SUCLA2: variants seen among roughly 807,000 people sequenced by gnomAD.
SUCLA2 encodes succinate--CoA ligase [ADP-forming] subunit beta, mitochondrial.
In SUCLA2, 30 loss-of-function variants were observed where a neutral mutation model predicts 54.8. The observed-to-expected ratio is 0.55, with a 90% CI of 0.41 to 0.74. The LOEUF (loss-of-function observed/expected upper bound fraction) is 0.74. SUCLA2 is among the 30% of genes least tolerant of loss of function. The pLI, the probability that SUCLA2 is intolerant of heterozygous loss-of-function variation, is 0.00. For missense variants in SUCLA2, 476 were observed against 562.9 expected, an observed-to-expected ratio of 0.85 and a Z score of 1.56; for synonymous variants, 172 against 188.9, an observed-to-expected ratio of 0.91 and a Z score of 0.74.
chr13:47,990,633 A>G (rs1950142707), intron 2 of SUCLA2, among the ~76,000 whole-genome samples: 1 of 152,118 alleles, frequency 6.6e-6, no homozygotes, highest in Admixed American at 6.6e-5. Flanking sequence ...CACTGTATTC[A>G]TTATATCCCA....
intron 6 of SUCLA2, among the ~76,000 whole-genome samples, chr13:47,955,064 T>C (rs1012645669): frequency 6.6e-6 from 1 of 151,972 alleles, no homozygotes; most frequent in Admixed American, 6.6e-5. Context: ...AACTCCTATC[T>C]CCCCCTTACT....
chr13:47,956,619 G>GTA (rs1207380146), intron 6 of SUCLA2, among the ~76,000 whole-genome samples: 5 of 152,202 alleles, frequency 3.3e-5, no homozygotes, highest in Non-Finnish European at 7.3e-5. Flanking sequence ...AAGTTCTTCA[G>GTA]GCTCAAGGGA....
rs532730136 is a variant in SUCLA2 at position 47,988,993 on chromosome 13, A to G, written c.272-12T>C. 1 of 1,609,784 alleles carries G rather than the reference A, an allele frequency of 6.2e-7. No individual in the cohort carries two copies. Among genetic ancestry groups the G allele is most frequent in the South Asian group, 1.1e-5 (1 of 90,990 alleles). ...GACATCTTTTGAACCTAGAAGAAAAACACTTCTATTAAATATGAAGCATGG... is the reference window on the plus strand; with the variant it reads ...GACATCTTTTGAACCTAGAAGAAAAGCACTTCTATTAAATATGAAGCATGG... On this transcript the variant is annotated splice_polypyrimidine_tract_variant and intron_variant, in intron 2 of 10. Transcript: ENST00000646932.
intron 1 of SUCLA2, 36 bp from the exon 2 acceptor site, chr13:47,997,059 G>A (rs1325861318): frequency 6.2e-7 from 1 of 1,611,104 alleles, no homozygotes; most frequent in Non-Finnish European, 8.5e-7. Flanking sequence ...ATATGACAGT[G>A]ATTTGGCAGT....
chr13:47,988,153 G>A, intron 4 of SUCLA2: 2 of 205,732 alleles, frequency 9.7e-6, no homozygotes, highest in Non-Finnish European at 1.9e-5. Context: ...GAAAACAGAA[G>A]ATGAGGCAAT....
rs540084814 is a variant in SUCLA2, at chr13:47,998,174, G to T, written c.91-1151C>A. 9.2e-5 allele frequency among the ~76,000 whole-genome samples: 14 copies of T among 152,138 alleles called. No homozygotes were observed. In the South Asian group the frequency reaches 2.9e-3, roughly 32 times the overall value. ...CACCTATAATCCCAGCTACTCCTGAGACTGAGGCAGGAGGATCCCTTCAGC... is the reference window on the plus strand; with the variant it reads ...CACCTATAATCCCAGCTACTCCTGATACTGAGGCAGGAGGATCCCTTCAGC... On this transcript the variant is annotated intron_variant, in intron 1 of 10. Coordinates refer to ENST00000646932, the MANE Select transcript of SUCLA2 (RefSeq NM_003850.3).
chr13:47,976,514 T>A (rs1950014994), intron 4 of SUCLA2, among the ~76,000 whole-genome samples: 1 of 152,132 alleles, frequency 6.6e-6, no homozygotes, highest in Admixed American at 6.5e-5. Flanking sequence ...ATATGGGTGC[T>A]GATGGGGAAC....
chr13:47,971,664 G>A (rs897661269), intron 5 of SUCLA2: 7 of 374,544 alleles, frequency 1.9e-5, no homozygotes, highest in Non-Finnish European at 2.8e-5. Flanking sequence ...AGAATTGAAA[G>A]AAGGACCACA....
At chr13:47,945,089 A>C (rs1949718827) in intron 10 of SUCLA2, among the ~76,000 whole-genome samples, 1 of 151,742 alleles carries the variant, frequency 6.6e-6, no homozygotes, top group Admixed American at 6.6e-5. Flanking sequence ...ATCTCTACTA[A>C]AAATACATAA....
chr13:47,979,698 G>A (rs1198348233), intron 4 of SUCLA2, among the ~76,000 whole-genome samples: 2 of 152,124 alleles, frequency 1.3e-5, no homozygotes, highest in African/African-American at 2.4e-5. Flanking sequence ...GAAGCTGAAA[G>A]CTTTTCCTCT....
chr13:47,965,494 T>TTAAAAAAAAAA (rs751887684), intron 6 of SUCLA2: 3 of 311,160 alleles, frequency 9.6e-6, no homozygotes, highest in Non-Finnish European at 1.1e-5. Flanking sequence ...ACCCCTTCTT[T>TTAAAAAAAAAA]AAAAAAAAAA....
chr13:47,999,784 G>A (rs1950216246), intron 1 of SUCLA2, among the ~76,000 whole-genome samples: 1 of 151,856 alleles, frequency 6.6e-6, no homozygotes, highest in East Asian at 1.9e-4. Flanking sequence ...TTAAGACTCC[G>A]TACTTCTATG....
intron 6 of SUCLA2, among the ~76,000 whole-genome samples, chr13:47,968,137 A>C (rs1329751947): frequency 6.6e-6 from 1 of 152,208 alleles, no homozygotes; most frequent in Non-Finnish European, 1.5e-5. Context: ...ACCACACTGC[A>C]TACACTAACC....
chr13:47,992,379 C>A (rs1400825337), intron 2 of SUCLA2, among the ~76,000 whole-genome samples: 10 of 69,972 alleles, frequency 1.4e-4, no homozygotes, highest in Admixed American at 2.0e-4. Context: ...AAGCCCTTCA[C>A]AACGAAAGCA....
Position 47,996,929 on chromosome 13 carries a change from T to C in SUCLA2, c.185A>G (p.Glu62Gly). 2.5e-6 allele frequency: 4 copies of C among 1,614,086 alleles called. No homozygotes were observed. The highest frequency in any genetic ancestry group is 3.4e-6 in the Non-Finnish European group (4 of 1,179,984). ...GGAGACACCAGCTTCTTGCAATAAT[T>C]CCATACTCATGTATTCATGTAGTGA... is the stretch of plus-strand genomic sequence containing the variant. ...NLSLHEYMSM[E>G]LLQEAGVSVP... is the part of the protein sequence containing the mutation. The change falls in exon 2 of 11, where the codon GAA becomes GGA. Residue 62 changes from glutamate to glycine, a missense_variant. By Grantham distance (98) the Glu-to-Gly change is moderately conservative (BLOSUM62 -2). Around this residue, in one of 2 missense-constraint regions of SUCLA2, gnomAD observed 134 missense variants for 118.7 expected, o/e 1.13. Transcript: ENST00000646932.
intron 2 of SUCLA2, among the ~76,000 whole-genome samples, chr13:47,993,904 C>G (rs1179623564): frequency 2.0e-5 from 3 of 151,892 alleles, no homozygotes; most frequent in Admixed American, 2.0e-4. Flanking sequence ...GGTGGTGGCA[C>G]ATGCCTGTAA....
chr13:47,950,375 T>C (rs983897998), intron 8 of SUCLA2, among the ~76,000 whole-genome samples: 4 of 152,220 alleles, frequency 2.6e-5, no homozygotes, highest in Non-Finnish European at 5.9e-5. Flanking sequence ...ATTTAGTTTC[T>C]TTCTGAGAAC....
intron 6 of SUCLA2, among the ~76,000 whole-genome samples, chr13:47,958,636 G>T (rs1949841029): frequency 6.6e-6 from 1 of 152,124 alleles, no homozygotes; most frequent in African/African-American, 2.4e-5. Flanking sequence ...TGGCATAGAA[G>T]GTTATAAAAC....
Position 47,950,310 on chromosome 13 carries a change from TCCA to T in SUCLA2, c.1108-710_1108-708del, listed in dbSNP as rs562186367. Among the ~76,000 whole-genome samples the T allele has an allele frequency of 5.6e-3, 851 of 152,250 alleles. 5 individuals are homozygous for T. Among genetic ancestry groups the T allele is most frequent in the African/African-American group, 0.019 (783 of 41,534 alleles). ...AATTTCTGGAGGGCTAGTGTGGGGA[TCCA>T]CCATCTCGCAGCCACCCAAGCCATA... On this transcript the variant is annotated intron_variant, in intron 8 of 10. Coordinates refer to ENST00000646932, the MANE Select transcript of SUCLA2 (RefSeq NM_003850.3).
Sources: gnomAD v4.1 joint callset for allele counts (sites outside exome capture counted in the v4.1 genomes callset) on GRCh38, gnomAD v4.1.1 for gene constraint, gnomAD v4.1.1 regional missense constraint, MANE v1.5 for transcripts, NCBI Gene and HGNC (gene_info 2026-07-23, HGNC 2026-07-21) for gene names.